The following PCDH7 variants were observed in gnomAD, a reference collection of about 807,000 sequenced individuals.
The protein encoded by PCDH7 is protocadherin-7.
In PCDH7, 17 loss-of-function variants were observed where a neutral mutation model predicts 58.9. That is an observed-to-expected ratio of 0.29 (90% confidence interval 0.20 to 0.43). The LOEUF is 0.43. Among genes scored for constraint, PCDH7 ranks in the 20% least tolerant of loss-of-function variants. The pLI, the probability that PCDH7 is intolerant of heterozygous loss-of-function variation, is 1.00. For synonymous variants in PCDH7, 664 were observed against 616.4 expected (o/e 1.08, Z -1.14); for missense variants, 1,274 against 1,441.0 (o/e 0.88, Z 1.88).
intron 3 of PCDH7, among the ~76,000 whole-genome samples, chr4:30,973,992 G>A (rs1158157771): frequency 6.6e-6 from 1 of 151,900 alleles, no homozygotes; most frequent in African/African-American, 2.4e-5. Flanking sequence ...TATGCTTGAG[G>A]GTGGGAAGTG....
At chr4:31,061,870 G>T (rs559621573) in intron 3 of PCDH7, among the ~76,000 whole-genome samples, 10 of 151,760 alleles carry the variant, frequency 6.6e-5, no homozygotes, top group Admixed American at 5.9e-4. Flanking sequence ...TGGTTAAATT[G>T]GTTGTGCATA....
chr4:30,869,962 TA>T (rs1429482110), intron 1 of PCDH7, among the ~76,000 whole-genome samples: 1 of 152,202 alleles, frequency 6.6e-6, no homozygotes, highest in Non-Finnish European at 1.5e-5. Context: ...TCTGATTTTT[TA>T]ACGATCGCCA....
At chr4:31,146,483 T>C (rs1720682018), downstream of PCDH7, 1 of 152,152 alleles carries the variant, frequency 6.6e-6, no homozygotes. Flanking sequence ...TTTGTTCAGC[T>C]ACCTAGGGTT....
At chr4:30,742,103 C>T (rs1717159359) in intron 1 of PCDH7, among the ~76,000 whole-genome samples, 1 of 152,174 alleles carries the variant, frequency 6.6e-6, no homozygotes, top group Admixed American at 6.5e-5. Context: ...TAAACACTCA[C>T]CTCACACAGT....
chr4:30,975,373 C>A (rs1749980614), intron 3 of PCDH7, among the ~76,000 whole-genome samples: 1 of 152,068 alleles, frequency 6.6e-6, no homozygotes, highest in African/African-American at 2.4e-5. Flanking sequence ...TCATCAGAAT[C>A]ATGTTTCTCC....
chr4:30,759,059 A>G (rs1458217889), intron 1 of PCDH7, among the ~76,000 whole-genome samples: 2 of 149,092 alleles, frequency 1.3e-5, no homozygotes, highest in South Asian at 2.1e-4. Context: ...CTTCTGCCTC[A>G]GCCTCCCGAG....
intron 1 of PCDH7, among the ~76,000 whole-genome samples, chr4:30,740,329 G>A (rs1716892626): frequency 6.6e-6 from 1 of 152,102 alleles, no homozygotes; most frequent in South Asian, 2.1e-4. Context: ...AGGTCACTCT[G>A]TCCAATTTTT....
chr4:31,022,302 TCA>T (rs758040001), intron 3 of PCDH7, among the ~76,000 whole-genome samples: 31 of 152,190 alleles, frequency 2.0e-4, no homozygotes, highest in Non-Finnish European at 4.4e-4. Context: ...TTGTGATTTT[TCA>T]CAGTTGATGA....
At chr4:30,831,107 C>T (rs1431073286) in intron 1 of PCDH7, among the ~76,000 whole-genome samples, 3 of 151,994 alleles carry the variant, frequency 2.0e-5, no homozygotes, top group Non-Finnish European at 4.4e-5. Flanking sequence ...ATTTCTTTAC[C>T]CTCCCAGGCA....
At chr4:31,106,014 GA>G (rs564639877) in intron 3 of PCDH7, among the ~76,000 whole-genome samples, 138 of 106,712 alleles carry the variant, frequency 1.3e-3, no homozygotes, top group African/African-American at 5.0e-3. Context: ...CTCAAAAAAA[GA>G]AAAAAAAAAT....
At chr4:31,003,175 A>G (rs1369071117) in intron 3 of PCDH7, among the ~76,000 whole-genome samples, 1 of 152,088 alleles carries the variant, frequency 6.6e-6, no homozygotes, top group Non-Finnish European at 1.5e-5. Flanking sequence ...CTTCCCTCCC[A>G]GAAGCATACT....
intron 1 of PCDH7, among the ~76,000 whole-genome samples, chr4:30,894,596 C>CATATATATATAT (rs576995805): frequency 8.1e-6 from 1 of 124,144 alleles, no homozygotes; most frequent in South Asian, 2.7e-4. Context: ...CACACACACA[C>CATATATATATAT]ATATATATAT....
chr4:31,100,252 T>C (rs370833029), intron 3 of PCDH7, among the ~76,000 whole-genome samples: 1 of 152,252 alleles, frequency 6.6e-6, no homozygotes, highest in African/African-American at 2.4e-5. Context: ...AGCAGTTTAA[T>C]GGAGATATCG....
intron 1 of PCDH7, among the ~76,000 whole-genome samples, chr4:30,804,494 G>T (rs1725930179): frequency 6.7e-6 from 1 of 150,366 alleles, no homozygotes; most frequent in African/African-American, 2.5e-5. Flanking sequence ...AACAGAGATT[G>T]TGCCACTGCA....
At chr4:31,143,838 T>G (rs1720506313), downstream of PCDH7, 2 of 152,186 alleles carry the variant, frequency 1.3e-5, no homozygotes, top group Non-Finnish European at 2.9e-5. Flanking sequence ...AAAATGTTCC[T>G]TCTTTTAAAA....
chr4:31,054,245 C>T (rs1756972469), intron 3 of PCDH7, among the ~76,000 whole-genome samples: 2 of 152,208 alleles, frequency 1.3e-5, no homozygotes, highest in South Asian at 4.1e-4. Flanking sequence ...GGCTTACTGG[C>T]TTAAGCCACC....
intron 1 of PCDH7, among the ~76,000 whole-genome samples, chr4:30,901,255 C>T (rs1436320479): frequency 6.6e-6 from 1 of 152,072 alleles, no homozygotes; most frequent in Non-Finnish European, 1.5e-5. Context: ...GTCACATTTA[C>T]ATTAAGACTA....
At chr4:30,738,053 T>G (rs750747904) in intron 1 of PCDH7, among the ~76,000 whole-genome samples, 2 of 152,124 alleles carry the variant, frequency 1.3e-5, no homozygotes, top group Non-Finnish European at 2.9e-5. Flanking sequence ...TGTGCCTGAG[T>G]GGAGAGAGAA....
At chr4:31,105,762 C>T (rs952467322) in intron 3 of PCDH7, among the ~76,000 whole-genome samples, 3 of 152,130 alleles carry the variant, frequency 2.0e-5, no homozygotes, top group African/African-American at 7.2e-5. Context: ...AATCCCAGCA[C>T]TTTAGGAGGC....
Sources: gnomAD v4.1 joint callset for allele counts (sites outside exome capture counted in the v4.1 genomes callset) on GRCh38, gnomAD v4.1.1 for gene constraint, MANE v1.5 for transcripts, NCBI Gene and HGNC (gene_info 2026-07-23, HGNC 2026-07-21) for gene names.